The following LRRC37A2 variants were observed in gnomAD, a reference collection of about 807,000 sequenced individuals.
LRRC37A2 encodes leucine-rich repeat-containing protein 37A2.
LRRC37A2 carries 9 observed loss-of-function variants against 68.8 expected under a neutral mutation model. The ratio of observed to expected loss-of-function variants is 0.13; its 90% confidence interval spans 0.08 to 0.23. LRRC37A2 has a LOEUF of 0.23. Ranked by LOEUF, LRRC37A2 falls within the 10% of genes least tolerant of loss-of-function variation. LRRC37A2 has a pLI of 1.00. For missense variants in LRRC37A2, 168 were observed against 950.4 expected (o/e 0.18, Z 10.82); for synonymous variants, 63 against 367.6 (o/e 0.17, Z 9.48).
At chr17:46,959,950 G>A in the LRRC37A2 span, among the ~76,000 whole-genome samples, 7 of 152,314 alleles carry the variant, frequency 4.6e-5, no homozygotes, top group South Asian at 1.5e-3. Flanking sequence ...TCATGGAGTG[G>A]ACTTTGGAGT....
the LRRC37A2 span, among the ~76,000 whole-genome samples, chr17:46,880,383 C>A: frequency 5.1e-4 from 77 of 152,348 alleles, no homozygotes; most frequent in Non-Finnish European, 9.6e-4. Flanking sequence ...ACTTATTGAG[C>A]ACCCCTTATG....
chr17:46,918,001 TTTCTC>T, the LRRC37A2 span, among the ~76,000 whole-genome samples: 1 of 152,240 alleles, frequency 6.6e-6, no homozygotes, highest in African/African-American at 2.4e-5. Flanking sequence ...TCTAAGTACT[TTTCTC>T]TACTAATTAT....
chr17:46,743,817 G>A, the LRRC37A2 span, among the ~76,000 whole-genome samples: 3 of 152,136 alleles, frequency 2.0e-5, no homozygotes, highest in Non-Finnish European at 4.4e-5. Flanking sequence ...AGCCTTCTCT[G>A]GTTTCCTGTT....
chr17:46,917,603 T>TA, the LRRC37A2 span, among the ~76,000 whole-genome samples: 1 of 152,192 alleles, frequency 6.6e-6, no homozygotes, highest in East Asian at 1.9e-4. Context: ...TGCATACTGG[T>TA]AGGACTACAG....
the LRRC37A2 span, among the ~76,000 whole-genome samples, chr17:46,780,637 G>A: frequency 5.9e-5 from 9 of 152,160 alleles, no homozygotes; most frequent in African/African-American, 1.9e-4. Context: ...TTAGCCGGGC[G>A]TGGTGGCAGG....
chr17:46,818,202 T>TG, the LRRC37A2 span, among the ~76,000 whole-genome samples: 2 of 151,338 alleles, frequency 1.3e-5, no homozygotes, highest in African/African-American at 2.4e-5. Context: ...TGCAAGCAAA[T>TG]GGGGGGTCTT....
At chr17:46,958,208 C>G in the LRRC37A2 span, among the ~76,000 whole-genome samples, 4 of 152,196 alleles carry the variant, frequency 2.6e-5, no homozygotes, top group East Asian at 1.9e-4. Context: ...TCAGGCCAAC[C>G]AACTTGGAGG....
chr17:46,773,711 G>A, the LRRC37A2 span: 4 of 1,608,004 alleles, frequency 2.5e-6, no homozygotes, highest in South Asian at 3.3e-5. Context: ...TGTCATCTAT[G>A]GTGGTGCAGT....
chr17:46,490,224 G>C, the LRRC37A2 span, among the ~76,000 whole-genome samples: 17 of 151,346 alleles, frequency 1.1e-4, 1 homozygote, highest in African/African-American at 3.9e-4. Context: ...GCCCTGGTAG[G>C]ATGAAAGCAG....
the LRRC37A2 span, among the ~76,000 whole-genome samples, chr17:46,864,178 G>T: frequency 2.4e-4 from 36 of 152,302 alleles, no homozygotes; most frequent in Admixed American, 2.1e-3. Flanking sequence ...AAGGTAGTTA[G>T]TTGGTCAATG....
At chr17:46,986,399 A>G in the LRRC37A2 span, among the ~76,000 whole-genome samples, 1 of 152,170 alleles carries the variant, frequency 6.6e-6, no homozygotes, top group Non-Finnish European at 1.5e-5. Flanking sequence ...AATAAATGCT[A>G]GTAACTATTA....
At chr17:46,980,357 T>TC in the LRRC37A2 span, among the ~76,000 whole-genome samples, 1 of 146,268 alleles carries the variant, frequency 6.8e-6, no homozygotes, top group Admixed American at 6.9e-5. Flanking sequence ...CCTTCCTTCT[T>TC]CTTTCTTTCT....
the LRRC37A2 span, among the ~76,000 whole-genome samples, chr17:46,918,483 ATAGG>A: frequency 6.6e-6 from 1 of 152,194 alleles, no homozygotes; most frequent in South Asian, 2.1e-4. Context: ...TGATAGATAA[ATAGG>A]TAGGTATGTA....
the LRRC37A2 span, among the ~76,000 whole-genome samples, chr17:46,808,496 GA>G: frequency 2.0e-5 from 3 of 152,160 alleles, no homozygotes; most frequent in African/African-American, 7.2e-5. Flanking sequence ...GTGGTAGAAG[GA>G]AAAAGGCTTT....
At chr17:46,900,380 AGCTGGGACTAGAG>A in the LRRC37A2 span, among the ~76,000 whole-genome samples, 1 of 151,752 alleles carries the variant, frequency 6.6e-6, no homozygotes, top group African/African-American at 2.4e-5. Context: ...CCTCCCTAGT[AGCTGGGACTAGAG>A]GTGTGTGTCA....
chr17:46,836,095 CGTGT>C, the LRRC37A2 span, among the ~76,000 whole-genome samples: 13,235 of 126,376 alleles, frequency 0.1, 749 homozygotes, highest in Non-Finnish European at 0.15. Context: ...GAGACGCTGA[CGTGT>C]GTGTGTGTGT....
At chr17:46,810,452 C>T in the LRRC37A2 span, among the ~76,000 whole-genome samples, 1 of 152,152 alleles carries the variant, frequency 6.6e-6, no homozygotes, top group South Asian at 2.1e-4. Flanking sequence ...GCAGAGGGCA[C>T]AGAGGCCTCA....
the LRRC37A2 span, chr17:46,818,487 G>C: frequency 1.3e-6 from 2 of 1,582,192 alleles, no homozygotes; most frequent in Non-Finnish European, 1.7e-6. Context: ...CGGAGAAACC[G>C]GGCCGCGGGC....
chr17:46,929,484 C>A, the LRRC37A2 span: 2 of 1,099,958 alleles, frequency 1.8e-6, no homozygotes, highest in South Asian at 2.5e-5. Context: ...GTTGATTACT[C>A]CTGTCTCACT....
Sources: gnomAD v4.1 joint callset for allele counts (sites outside exome capture counted in the v4.1 genomes callset) on GRCh38, gnomAD v4.1.1 for gene constraint, MANE v1.5 for transcripts, NCBI Gene and HGNC (gene_info 2026-07-23, HGNC 2026-07-21) for gene names.